Variants in HRH1 observed in about 807,000 individuals in gnomAD.
HRH1 encodes the protein histamine H1 receptor.
Under a neutral mutation model 10.3 loss-of-function variants are expected in HRH1, and 6 were observed. The ratio of observed to expected loss-of-function variants is 0.58; its 90% CI spans 0.32 to 1.15. HRH1 has a LOEUF of 1.15. Ranked by LOEUF, HRH1 falls within the 50% of genes most tolerant of loss-of-function variation. The pLI is 0.05. For missense variants in HRH1, 514 were observed against 615.3 expected, an observed-to-expected ratio of 0.84 and a Z score of 1.74; for synonymous variants, 242 against 236.7, an observed-to-expected ratio of 1.02 and a Z score of -0.21.
intron 1 of HRH1, among the ~76,000 whole-genome samples, chr3:11,235,173 C>G (rs1244661649): frequency 6.6e-6 from 1 of 151,742 alleles, no homozygotes; most frequent in Non-Finnish European, 1.5e-5. Flanking sequence ...CGAGATCACA[C>G]CACTGCACTC....
chr3:11,144,824 T>A (rs1936396085), intron 1 of HRH1, among the ~76,000 whole-genome samples: 1 of 151,898 alleles, frequency 6.6e-6, no homozygotes, highest in South Asian at 2.1e-4. Flanking sequence ...TGAGCCGAGA[T>A]CACGCCACTG....
upstream of HRH1, among the ~76,000 whole-genome samples, chr3:11,153,161 A>G (rs867229603): frequency 6.6e-6 from 1 of 152,092 alleles, no homozygotes; most frequent in African/African-American, 2.4e-5. Flanking sequence ...GTTCTCCTAC[A>G]TGTGACCTTG....
chr3:11,169,486 T>C (rs1268158935), intron 1 of HRH1, among the ~76,000 whole-genome samples: 1 of 152,038 alleles, frequency 6.6e-6, no homozygotes, highest in Non-Finnish European at 1.5e-5. Flanking sequence ...TCCAGCTCAC[T>C]ATAACAGGGA....
intron 1 of HRH1, among the ~76,000 whole-genome samples, chr3:11,242,361 C>G (rs1666986): frequency 1 from 151,846 of 151,884 alleles, 75,905 homozygotes; most frequent in Middle Eastern, 1. Flanking sequence ...GGTGCCTGTA[C>G]TCCCAGATAT....
At chr3:11,223,868 C>T (rs889451692) in intron 1 of HRH1, among the ~76,000 whole-genome samples, 1 of 152,116 alleles carries the variant, frequency 6.6e-6, no homozygotes, top group East Asian at 1.9e-4. Flanking sequence ...TTCTACTGTG[C>T]CAAACACACA....
In HRH1 at chr3:11,260,658, T is replaced by C. The variant is rs1247921896; in HGVS notation, c.*157T>C. On this transcript the variant is annotated 3_prime_UTR_variant, in exon 2 of 2. Coordinates refer to ENST00000431010, the MANE Select transcript of HRH1 (RefSeq NM_001098212.2). ...TAGTTTGGAAAGTTCTTAGGCACCA[T>C]AGAAGAACAGCAGATGGCGGTGATC... 4 of 659,902 alleles carry C rather than the reference T, an allele frequency of 6.1e-6. No individual in the cohort carries two copies. The highest frequency in any genetic ancestry group is 1.8e-5 in the African/African-American group (1 of 55,650). The allele number at this position is 659,902 out of a possible 1,614,324, so 40.9% of individuals were successfully genotyped here.
At chr3:11,208,968 A>G (rs1024961833) in intron 1 of HRH1, among the ~76,000 whole-genome samples, 1 of 152,228 alleles carries the variant, frequency 6.6e-6, no homozygotes, top group African/African-American at 2.4e-5. Flanking sequence ...AATAATTTGC[A>G]TCACCCCAGC....
chr3:11,236,103 A>G (rs1939174230), intron 1 of HRH1, among the ~76,000 whole-genome samples: 1 of 152,244 alleles, frequency 6.6e-6, no homozygotes, highest in Admixed American at 6.5e-5. Flanking sequence ...ACTAAGCAGA[A>G]TAGAGAAAGT....
chr3:11,223,648 T>C (rs541284244), intron 1 of HRH1, among the ~76,000 whole-genome samples: 1 of 152,150 alleles, frequency 6.6e-6, no homozygotes, highest in African/African-American at 2.4e-5. Flanking sequence ...GGGCTCTGGG[T>C]TCCCCCACTC....
At chr3:11,194,106 A>G (rs1358837055) in intron 1 of HRH1, among the ~76,000 whole-genome samples, 3 of 152,186 alleles carry the variant, frequency 2.0e-5, no homozygotes, top group African/African-American at 7.2e-5. Context: ...GCATGTGCGT[A>G]GGGATAAAAT....
intron 1 of HRH1, among the ~76,000 whole-genome samples, chr3:11,213,287 G>T (rs1938386846): frequency 6.6e-6 from 1 of 152,174 alleles, no homozygotes; most frequent in Admixed American, 6.5e-5. Flanking sequence ...TTGGTTGATT[G>T]AACGAATTAA....
At chr3:11,140,514 C>T (rs1936272628) in intron 1 of HRH1, among the ~76,000 whole-genome samples, 6 of 152,082 alleles carry the variant, frequency 3.9e-5, no homozygotes. Context: ...CTGGGAGCCC[C>T]TAGGGACTCA....
intron 1 of HRH1, among the ~76,000 whole-genome samples, chr3:11,208,613 TACAC>T (rs1938219437): frequency 5.3e-5 from 8 of 152,274 alleles, no homozygotes; most frequent in Admixed American, 5.2e-4. Context: ...TCTGCAAGCA[TACAC>T]ACCCATACAT....
At chr3:11,153,729 G>A (rs1936705542), upstream of HRH1, among the ~76,000 whole-genome samples, 1 of 151,914 alleles carries the variant, frequency 6.6e-6, no homozygotes, top group Non-Finnish European at 1.5e-5. Context: ...CAGGGACAGA[G>A]GTTCCCGGGG....
At chr3:11,207,725 G>C (rs1178438975) in intron 1 of HRH1, among the ~76,000 whole-genome samples, 1 of 152,160 alleles carries the variant, frequency 6.6e-6, no homozygotes, top group African/African-American at 2.4e-5. Context: ...GGGTGATTCT[G>C]AGAAGGTGTG....
intron 1 of HRH1, among the ~76,000 whole-genome samples, chr3:11,238,293 A>C (rs1181130329): frequency 6.6e-6 from 1 of 152,210 alleles, no homozygotes. Context: ...CTAATTTAGA[A>C]GTTACGCATA....
chr3:11,248,313 G>T (rs1192927354), intron 1 of HRH1, among the ~76,000 whole-genome samples: 1 of 152,136 alleles, frequency 6.6e-6, no homozygotes, highest in Non-Finnish European at 1.5e-5. Flanking sequence ...CTTGTTTACA[G>T]TTGACCACCA....
chr3:11,224,855 G>A (rs929052034), intron 1 of HRH1, among the ~76,000 whole-genome samples: 3 of 152,174 alleles, frequency 2.0e-5, no homozygotes, highest in African/African-American at 7.2e-5. Flanking sequence ...ACTTCCAAAG[G>A]TTGCTGTGGG....
Position 11,259,926 on chromosome 3 carries a change from G to C in HRH1, c.889G>C (p.Val297Leu). Residue 297 changes from valine to leucine, a missense_variant, in exon 2 of 2, where the codon GTA (valine) becomes CTA (leucine). Transcript: ENST00000431010. The surrounding 1 kb of genome is among the most constrained non-coding windows in gnomAD (Gnocchi z 4.6). Reference sequence around the variant, plus strand: ...CTTCAGCCAAGAGGATGATAGAGAAGTAGACAAACTCTACTGCTTTCCACT... The same window carrying C: ...CTTCAGCCAAGAGGATGATAGAGAACTAGACAAACTCTACTGCTTTCCACT... ...VVFSQEDDRE[V>L]DKLYCFPLDI... 6.2e-7 allele frequency: 1 copy of C among 1,614,214 alleles called. No individual in the cohort carries two copies. Among genetic ancestry groups the C allele is most frequent in the Non-Finnish European group, 8.5e-7 (1 of 1,180,040 alleles).
Sources: allele counts gnomAD v4.1 joint callset (sites outside exome capture counted in the v4.1 genomes callset), GRCh38; gene constraint gnomAD v4.1.1; non-coding constraint Gnocchi (gnomAD v3.1); transcripts MANE v1.5; gene names NCBI Gene and HGNC (gene_info 2026-07-23, HGNC 2026-07-21).